BMP2K: variants seen among roughly 807,000 people sequenced by gnomAD.
The protein encoded by BMP2K is BMP-2-inducible protein kinase.
Under a neutral mutation model 116.0 loss-of-function variants are expected in BMP2K, and 74 were observed. That is an observed-to-expected ratio of 0.64 (90% CI 0.53 to 0.77). The LOEUF (loss-of-function observed/expected upper bound fraction) is 0.77, where lower values mean the gene tolerates loss of function less well. Ranked by LOEUF, BMP2K falls within the 30% of genes least tolerant of loss-of-function variation. The pLI, the probability that BMP2K is intolerant of heterozygous loss-of-function variation, is 0.00. For missense variants in BMP2K, 1,365 were observed against 1,403.6 expected (o/e 0.97, Z 0.44); for synonymous variants, 486 against 502.5 (o/e 0.97, Z 0.44).
intron 1 of BMP2K, among the ~76,000 whole-genome samples, chr4:78,819,279 G>A (rs1269768269): frequency 1.3e-5 from 2 of 151,998 alleles, no homozygotes; most frequent in African/African-American, 4.8e-5. Flanking sequence ...GGTATTACAG[G>A]TGTGATCTTA....
At position 78,911,874 on chromosome 4, in the gene BMP2K, T is replaced by C. The variant is rs1734639198; in HGVS notation, c.3327T>C (p.His1109=). The C allele has an allele frequency of 6.2e-7, 1 of 1,613,874 alleles. No individual in the cohort carries two copies. The highest frequency in any genetic ancestry group is 1.1e-5 in the South Asian group (1 of 91,092). ...LPGRPRQNSL[H]GSFHSADVLK... Reference sequence around the variant, plus strand: ...GGCGGCCAAGACAAAATTCACTACATGGGTCATTCCATAGTGCAGATGTAT... The same window carrying C: ...GGCGGCCAAGACAAAATTCACTACACGGGTCATTCCATAGTGCAGATGTAT... The change falls in exon 16 of 16, where the codon CAT becomes CAC. Residue 1109 remains histidine, a synonymous_variant. Transcript: ENST00000502613.
intron 2 of BMP2K, among the ~76,000 whole-genome samples, chr4:78,829,795 CTCT>C (rs1560518748): frequency 1.2e-5 from 1 of 81,842 alleles, no homozygotes; most frequent in African/African-American, 4.7e-5. Flanking sequence ...CTTTTCTCTT[CTCT>C]TCTCTTCTCT....
Position 78,865,713 on chromosome 4 carries a change from A to G in BMP2K, c.1224A>G (p.Arg408=). The change falls in exon 10 of 16, where the codon AGA becomes AGG. Residue 408 remains arginine, a synonymous_variant. Coordinates refer to ENST00000502613, the MANE Select transcript of BMP2K (RefSeq NM_198892.2). ...CTCCTGGTGAATTCGGTAACCATAG[A>G]CCAAAAGGTAATAGAGCCCCGCCAA... ...VLAPGEFGNH[R]PKGALRPGNG... is the part of the protein sequence containing the mutation. 1 of 1,613,968 alleles carries G rather than the reference A, an allele frequency of 6.2e-7. No homozygotes were observed. The highest frequency in any genetic ancestry group is 8.5e-7 in the Non-Finnish European group (1 of 1,179,908).
At position 78,887,155 on chromosome 4, in the gene BMP2K, T is replaced by G. The variant is rs1180286490; in HGVS notation, c.1952-19T>G. On this transcript the variant is annotated intron_variant, in intron 14 of 15. Transcript: ENST00000502613. Reference sequence around the variant, plus strand: ...TTATTTCATTTCATTTTTTATTTCGTTTCATCTTATTTTTGCAGATAGGCT... The same window carrying G: ...TTATTTCATTTCATTTTTTATTTCGGTTCATCTTATTTTTGCAGATAGGCT... The G allele has an allele frequency of 1.4e-6, 2 of 1,465,842 alleles. No homozygotes were observed. Among genetic ancestry groups the G allele is most frequent in the Non-Finnish European group, 1.9e-6 (2 of 1,063,976 alleles). 90.8% of individuals were successfully genotyped at this position (1,465,842 alleles called of 1,614,324 possible).
At chr4:78,847,923 A>G (rs535009946) in intron 6 of BMP2K, among the ~76,000 whole-genome samples, 157 of 151,828 alleles carry the variant, frequency 1.0e-3, no homozygotes, top group African/African-American at 3.3e-3. Context: ...TTACTTAGCC[A>G]TATCTATCAC....
intron 2 of BMP2K, among the ~76,000 whole-genome samples, chr4:78,828,579 G>A (rs1729995021): frequency 6.6e-6 from 1 of 152,170 alleles, no homozygotes; most frequent in Admixed American, 6.5e-5. Flanking sequence ...AAGGAGGGCA[G>A]GAGAGAGATT....
chr4:78,826,856 C>G (rs1729897992), intron 2 of BMP2K, among the ~76,000 whole-genome samples: 1 of 151,994 alleles, frequency 6.6e-6, no homozygotes, highest in Non-Finnish European at 1.5e-5. Flanking sequence ...AAACACCAAG[C>G]TTGTTCATCA....
intron 1 of BMP2K, among the ~76,000 whole-genome samples, chr4:78,818,123 A>G (rs950984963): frequency 1.4e-4 from 22 of 152,176 alleles, no homozygotes; most frequent in African/African-American, 5.1e-4. Flanking sequence ...GTTTAAAAAA[A>G]GATATATATA....
chr4:78,818,409 ATCC>A (rs964703073), intron 1 of BMP2K, among the ~76,000 whole-genome samples: 4 of 152,210 alleles, frequency 2.6e-5, no homozygotes, highest in African/African-American at 9.6e-5. Context: ...GTTTCTCCAC[ATCC>A]TCTCCAGCAT....
intron 8 of BMP2K, chr4:78,860,149 TA>T (rs1328500228): frequency 6.2e-6 from 3 of 482,964 alleles, no homozygotes; most frequent in Non-Finnish European, 1.2e-5. Context: ...TGTGTACGCA[TA>T]GATATAGACA....
chr4:78,870,978 A>G lies in BMP2K; in HGVS notation c.1427A>G (p.Gln476Arg), dbSNP rs1240304472. The G allele has an allele frequency of 1.9e-6, 3 of 1,610,258 alleles. No individual in the cohort carries two copies. In the South Asian group the frequency reaches 3.3e-5, roughly 18 times the overall value. Residue 476 changes from glutamine to arginine, a missense_variant, in exon 11 of 16, where the codon CAG (glutamine) becomes CGG (arginine). Physicochemically the swap from Gln to Arg is conservative, Grantham distance 43 (BLOSUM62 1). Around this residue, in one of 3 missense-constraint regions of BMP2K, gnomAD observed 762 missense variants for 756.7 expected, o/e 1.01. Transcript: ENST00000502613. ...QQQQQQQQQQ[Q>R]QQQQQQQQQQ... The stretch of plus-strand genomic sequence containing the variant: ...CAACAGCAACAGCAGCAGCAGCAAC[A>G]GCAACAGCAGCAGCAGCAGCAGCAG...
chr4:78,839,884 A>G (rs991654987), intron 3 of BMP2K, among the ~76,000 whole-genome samples: 1 of 152,078 alleles, frequency 6.6e-6, no homozygotes, highest in African/African-American at 2.4e-5. Context: ...GCCCACCCAG[A>G]TTAAGGGTGG....
chr4:78,814,441 C>G (rs1489082287), intron 1 of BMP2K, among the ~76,000 whole-genome samples: 1 of 152,180 alleles, frequency 6.6e-6, no homozygotes, highest in African/African-American at 2.4e-5. Context: ...TCCCTATAAT[C>G]CCCACATGTC....
chr4:78,843,549 A>G (rs1730859888), intron 4 of BMP2K, among the ~76,000 whole-genome samples: 1 of 151,890 alleles, frequency 6.6e-6, no homozygotes, highest in African/African-American at 2.4e-5. Context: ...ACAGAATTTT[A>G]TGAAAGTTTA....
At chr4:78,780,132 T>G (rs574621924) in intron 1 of BMP2K, among the ~76,000 whole-genome samples, 1 of 152,188 alleles carries the variant, frequency 6.6e-6, no homozygotes, top group Non-Finnish European at 1.5e-5. Flanking sequence ...GGTGCTAGTC[T>G]GAGGAATTTA....
chr4:78,886,579 TA>T (rs1322104562), intron 14 of BMP2K, among the ~76,000 whole-genome samples: 3 of 152,324 alleles, frequency 2.0e-5, no homozygotes, highest in South Asian at 2.1e-4. Context: ...TAGTAGATAC[TA>T]AAATTTACTT....
At chr4:78,794,084 C>T (rs1025572502) in intron 1 of BMP2K, among the ~76,000 whole-genome samples, 3 of 152,014 alleles carry the variant, frequency 2.0e-5, no homozygotes, top group Admixed American at 6.6e-5. Context: ...CCCAAAAGGC[C>T]GTGTGACCAA....
chr4:78,912,172 CA>C lies in BMP2K; in HGVS notation c.*142del. On this transcript the variant is annotated 3_prime_UTR_variant, in exon 16 of 16. Coordinates refer to ENST00000502613, the MANE Select transcript of BMP2K (RefSeq NM_198892.2). ...CAGAATAGGTGATTTCTAAATAAAC[CA>C]AATAGAAGAATGAAGTATCTCTACA... The C allele has an allele frequency of 3.9e-6, 3 of 777,186 alleles. No homozygotes were observed. In the South Asian group the frequency reaches 5.5e-5, roughly 14 times the overall value. The allele number at this position is 777,186 out of a possible 1,614,324, so 48.1% of individuals were successfully genotyped here.
In BMP2K at chr4:78,798,169, T is replaced by A. The variant is rs140349279; in HGVS notation, c.178+21448T>A. Among the ~76,000 whole-genome samples the A allele has an allele frequency of 5.5e-3, 842 of 152,260 alleles. 8 individuals are homozygous for A. Among genetic ancestry groups the A allele is most frequent in the African/African-American group, 0.02 (815 of 41,558 alleles). On this transcript the variant is annotated intron_variant, in intron 1 of 15. Coordinates refer to ENST00000502613, the MANE Select transcript of BMP2K (RefSeq NM_198892.2). ...TAGGCCTAAGAATCAAAAAGACAGA[T>A]CCTACCTAGGAAAGTCTTGGAGTTT...
Sources: gnomAD v4.1 joint callset for allele counts (sites outside exome capture counted in the v4.1 genomes callset) on GRCh38, gnomAD v4.1.1 for gene constraint, gnomAD v4.1.1 regional missense constraint, MANE v1.5 for transcripts, NCBI Gene and HGNC (gene_info 2026-07-23, HGNC 2026-07-21) for gene names.